ITPK1: variants seen among roughly 807,000 people sequenced by gnomAD.
ITPK1 encodes the protein inositol 1,3,4-trisphosphate 5/6-kinase.
A neutral mutation model predicts 45.3 loss-of-function variants in ITPK1; 21 were observed. That is an observed-to-expected ratio of 0.46 (90% CI 0.33 to 0.67). ITPK1 has a LOEUF of 0.67. Among genes scored for constraint, ITPK1 ranks in the 30% least tolerant of loss-of-function variants. The pLI is 0.02. For missense variants in ITPK1, 474 were observed against 573.5 expected, an observed-to-expected ratio of 0.83 and a Z score of 1.77; for synonymous variants, 258 against 253.6, an observed-to-expected ratio of 1.02 and a Z score of -0.16.
chr14:93,110,851 C>G (rs986557854), intron 2 of ITPK1, among the ~76,000 whole-genome samples: 1 of 152,192 alleles, frequency 6.6e-6, no homozygotes, highest in African/African-American at 2.4e-5. Flanking sequence ...CTGGAAGCCC[C>G]AGCCTAACCT....
At chr14:92,978,404 A>G (rs1317440836) in intron 5 of ITPK1, among the ~76,000 whole-genome samples, 1 of 151,960 alleles carries the variant, frequency 6.6e-6, no homozygotes, top group Non-Finnish European at 1.5e-5. Flanking sequence ...AGAAAAACCC[A>G]TTTTCTGAGG....
chr14:93,035,069 C>G (rs767858980), intron 3 of ITPK1, among the ~76,000 whole-genome samples: 2 of 152,252 alleles, frequency 1.3e-5, no homozygotes, highest in Non-Finnish European at 2.9e-5. Flanking sequence ...AGGACAACAG[C>G]CTGCTGTCCT....
chr14:92,958,108 G>T lies in ITPK1; in HGVS notation c.670+93C>A. The T allele has an allele frequency of 8.1e-7, 1 of 1,229,992 alleles. No homozygotes were observed. Among genetic ancestry groups the T allele is most frequent in the Non-Finnish European group, 1.2e-6 (1 of 838,902 alleles). 76.2% of individuals were successfully genotyped at this position (1,229,992 alleles called of 1,614,324 possible). On this transcript the variant is annotated intron_variant, in intron 8 of 10. Transcript: ENST00000267615. The surrounding 1 kb of genome is among the most constrained non-coding windows in gnomAD (Gnocchi z 4.4). The stretch of plus-strand genomic sequence containing the variant: ...TCCATCCCACCAAGAACACAGGGTG[G>T]TTGGGGCAGTGCCGAAGGACAGACA...
chr14:93,104,446 T>C (rs1483675291), intron 2 of ITPK1, among the ~76,000 whole-genome samples: 1 of 146,282 alleles, frequency 6.8e-6, no homozygotes, highest in Non-Finnish European at 1.5e-5. Flanking sequence ...TGGGTGACAA[T>C]AGCGAAACTC....
chr14:93,014,359 G>A lies in ITPK1; in HGVS notation c.246+2317C>T, dbSNP rs914113283. Among the ~76,000 whole-genome samples the A allele has an allele frequency of 5.9e-5, 9 of 152,196 alleles. No homozygotes were observed. The highest frequency in any genetic ancestry group is 1.0e-4 in the Non-Finnish European group (7 of 68,040). On this transcript the variant is annotated intron_variant, in intron 4 of 10. Transcript: ENST00000267615. This position sits in a 1 kb window ranked among gnomAD's most constrained non-coding sequence, Gnocchi z 4.4. ...TGGACATCACTTGCCTGGGCTGTGG[G>A]CTGTGTGTGTGTCTGGGAAGTGGGC...
intron 4 of ITPK1, among the ~76,000 whole-genome samples, chr14:93,005,588 G>C (rs1195112134): frequency 6.6e-6 from 1 of 152,188 alleles, no homozygotes; most frequent in Non-Finnish European, 1.5e-5. Flanking sequence ...AAGGTAAACT[G>C]ATTAGAGACG....
intron 9 of ITPK1, among the ~76,000 whole-genome samples, chr14:92,947,532 G>A (rs1307721337): frequency 6.6e-6 from 1 of 152,226 alleles, no homozygotes; most frequent in Non-Finnish European, 1.5e-5. Context: ...TGTGGACTTC[G>A]GAAACAGTAC....
In ITPK1 at chr14:93,034,941, C is replaced by G. The variant is rs1004481014; in HGVS notation, c.121-18140G>C. ...GGCCTTCCCTTCTCCAGCCCCACCC[C>G]AGGTAGCACTGACGGGCCTGGCCTC... On this transcript the variant is annotated intron_variant, in intron 3 of 10. Transcript: ENST00000267615. The surrounding 1 kb of genome is among the most constrained non-coding windows in gnomAD (Gnocchi z 4.1). 1.3e-5 allele frequency among the ~76,000 whole-genome samples: 2 copies of G among 152,248 alleles called. No individual in the cohort carries two copies. Among genetic ancestry groups the G allele is most frequent in the African/African-American group, 2.4e-5 (1 of 41,460 alleles).
chr14:93,003,759 A>G (rs1207083577), intron 4 of ITPK1, among the ~76,000 whole-genome samples: 2 of 152,206 alleles, frequency 1.3e-5, no homozygotes, highest in African/African-American at 4.8e-5. Context: ...CAGCCCAGCT[A>G]CACCTGGCTA....
chr14:92,940,606 C>A lies in ITPK1; in HGVS notation c.*955G>T, dbSNP rs1887316323. ...TCTCCATGGTGTCATGCCGAGGCTC[C>A]CGCGCCTATCCTCACCTAGGTGACT... On this transcript the variant is annotated 3_prime_UTR_variant, in exon 11 of 11. Transcript: ENST00000267615. 1 of 1,204,290 alleles carries A rather than the reference C, an allele frequency of 8.3e-7. No individual in the cohort carries two copies. The highest frequency in any genetic ancestry group is 1.1e-6 in the Non-Finnish European group (1 of 948,082). The allele number at this position is 1,204,290 out of a possible 1,614,324, so 74.6% of individuals were successfully genotyped here.
intron 2 of ITPK1, among the ~76,000 whole-genome samples, chr14:93,097,516 C>T (rs74815758): frequency 0.069 from 10,502 of 152,220 alleles, 1,159 homozygotes; most frequent in African/African-American, 0.24. Flanking sequence ...CCTAGCAAGA[C>T]CAGAGCTACG....
intron 2 of ITPK1, among the ~76,000 whole-genome samples, chr14:93,113,418 C>T (rs1373119502): frequency 2.0e-5 from 3 of 152,186 alleles, no homozygotes; most frequent in African/African-American, 4.8e-5. Flanking sequence ...AAGCCTCAAG[C>T]TTGAGTTGCA....
chr14:92,944,539 G>C (rs1328431107), intron 10 of ITPK1, among the ~76,000 whole-genome samples: 3 of 152,116 alleles, frequency 2.0e-5, no homozygotes, highest in Non-Finnish European at 4.4e-5. Flanking sequence ...GGAGGCACTG[G>C]CCTTGCTCAG....
rs530050130 is a variant in ITPK1, at chr14:93,043,327, G to T, written c.121-26526C>A. On this transcript the variant is annotated intron_variant, in intron 3 of 10. Coordinates refer to ENST00000267615, the MANE Select transcript of ITPK1 (RefSeq NM_014216.6). ...CAGAAGGGGAGAAAAGAGATGTGGG[G>T]CAGGTGGATTTCTGAGGGCAGGAAA... 3.3e-5 allele frequency among the ~76,000 whole-genome samples: 5 copies of T among 152,334 alleles called. No homozygotes were observed. The East Asian group carries it at 9.6e-4, about 29-fold the overall frequency.
chr14:93,066,307 T>A (rs1243185528), intron 3 of ITPK1: 1 of 423,286 alleles, frequency 2.4e-6, no homozygotes, highest in South Asian at 1.7e-5. Context: ...TGCGCGTGCA[T>A]GTGTGTGTGT....
At position 92,941,328 on chromosome 14, in the gene ITPK1, A is replaced by G; in HGVS notation, c.*233T>C. 7.1e-7 allele frequency: 1 copy of G among 1,412,316 alleles called. No individual in the cohort carries two copies. The highest frequency in any genetic ancestry group is 9.2e-7 in the Non-Finnish European group (1 of 1,090,548). The allele number at this position is 1,412,316 out of a possible 1,614,324, so 87.5% of individuals were successfully genotyped here. A position where few individuals can be genotyped will look rare whatever the true frequency, so the allele number is the denominator to read the frequency against. On this transcript the variant is annotated 3_prime_UTR_variant, in exon 11 of 11. Transcript: ENST00000267615. ...GTGTAAACTCAGTTAGGAGGTCTGC[A>G]CAGTAGAGAGCAGGCGGACGGCCCC... is the stretch of plus-strand genomic sequence containing the variant.
At chr14:93,033,990 G>A (rs1889194546) in intron 3 of ITPK1, among the ~76,000 whole-genome samples, 2 of 152,128 alleles carry the variant, frequency 1.3e-5, no homozygotes, top group Admixed American at 1.3e-4. Context: ...CTGGTGAGGG[G>A]CAGGGGTGAG....
chr14:93,064,461 A>G lies in ITPK1; in HGVS notation c.120+12134T>C, dbSNP rs561086469. 2.5e-4 allele frequency among the ~76,000 whole-genome samples: 38 copies of G among 151,968 alleles called. No homozygotes were observed. The Middle Eastern group carries it at 0.014, about 54-fold the overall frequency. On this transcript the variant is annotated intron_variant, in intron 3 of 10. Coordinates refer to ENST00000267615, the MANE Select transcript of ITPK1 (RefSeq NM_014216.6). ...TCCTGCAGAGAATCCAGGAGCTCTAAATGTTCCCCCAGGACACCTGATCAA... is the reference window on the plus strand; with the variant it reads ...TCCTGCAGAGAATCCAGGAGCTCTAGATGTTCCCCCAGGACACCTGATCAA...
intron 10 of ITPK1, among the ~76,000 whole-genome samples, chr14:92,945,221 T>A (rs898052379): frequency 6.6e-6 from 1 of 152,182 alleles, no homozygotes; most frequent in African/African-American, 2.4e-5. Flanking sequence ...CAGCCCTGGG[T>A]AAACACCAGC....
Sources: allele counts gnomAD v4.1 joint callset (sites outside exome capture counted in the v4.1 genomes callset), GRCh38; gene constraint gnomAD v4.1.1; non-coding constraint Gnocchi (gnomAD v3.1); transcripts MANE v1.5; gene names NCBI Gene and HGNC (gene_info 2026-07-23, HGNC 2026-07-21).